The following KCNQ5 variants were observed in gnomAD, a reference collection of about 807,000 sequenced individuals.
KCNQ5 encodes potassium voltage-gated channel subfamily KQT member 5.
Under a neutral mutation model 98.2 loss-of-function variants are expected in KCNQ5, and 30 were observed. The ratio of observed to expected loss-of-function variants is 0.31; its 90% CI spans 0.23 to 0.41. KCNQ5 has a LOEUF of 0.41. Ranked by LOEUF, KCNQ5 falls within the 10% of genes least tolerant of loss-of-function variation. The pLI, the probability that KCNQ5 is intolerant of heterozygous loss-of-function variation, is 1.00. For missense variants in KCNQ5, 835 were observed against 1,182.5 expected (o/e 0.71, Z 4.31); for synonymous variants, 458 against 449.4 (o/e 1.02, Z -0.24).
At chr6:72,676,534 T>C (rs1767416151) in intron 1 of KCNQ5, among the ~76,000 whole-genome samples, 1 of 152,142 alleles carries the variant, frequency 6.6e-6, no homozygotes, top group African/African-American at 2.4e-5. Flanking sequence ...GCATCCTAAA[T>C]TGAGAAAGAA....
In KCNQ5 at chr6:73,105,144, G is replaced by A. The variant is rs1219822368; in HGVS notation, c.919-113G>A. 6.2e-5 allele frequency: 35 copies of A among 563,998 alleles called. 1 individual carries two copies. In the South Asian group the frequency reaches 6.6e-4, roughly 11 times the overall value. The allele number at this position is 563,998 out of a possible 1,614,324, so 34.9% of individuals were successfully genotyped here. On this transcript the variant is annotated intron_variant, in intron 5 of 13. Transcript: ENST00000370398. The stretch of plus-strand genomic sequence containing the variant: ...ATTAAAGCACAGTAATAAAAAGCAC[G>A]AACAAGATTTGTTGAATAATGATTT...
At chr6:72,628,958 C>T (rs1026771228) in intron 1 of KCNQ5, among the ~76,000 whole-genome samples, 4 of 152,132 alleles carry the variant, frequency 2.6e-5, no homozygotes, top group African/African-American at 4.8e-5. Flanking sequence ...CACTCCTCCT[C>T]TGCTTGGAGG....
intron 1 of KCNQ5, among the ~76,000 whole-genome samples, chr6:72,671,087 C>T (rs1213542961): frequency 2.0e-5 from 3 of 152,164 alleles, no homozygotes; most frequent in Non-Finnish European, 2.9e-5. Context: ...TGACCTTTAA[C>T]GCCCGTATTT....
At chr6:73,057,825 G>C (rs1772592393) in intron 3 of KCNQ5, among the ~76,000 whole-genome samples, 1 of 152,198 alleles carries the variant, frequency 6.6e-6, no homozygotes, top group Non-Finnish European at 1.5e-5. Flanking sequence ...AAAGCCAGAA[G>C]TATCACATTG....
chr6:73,080,546 G>A (rs1403649907), intron 5 of KCNQ5, among the ~76,000 whole-genome samples: 1 of 151,832 alleles, frequency 6.6e-6, no homozygotes, highest in Admixed American at 6.6e-5. Context: ...AATAAATTTA[G>A]ACTATTATAC....
At chr6:72,955,311 C>G (rs1404181804) in intron 1 of KCNQ5, among the ~76,000 whole-genome samples, 1 of 152,126 alleles carries the variant, frequency 6.6e-6, no homozygotes, top group African/African-American at 2.4e-5. Context: ...AATAAATCAT[C>G]CAAGGCCTTC....
At chr6:72,815,772 T>G (rs1376338786) in intron 1 of KCNQ5, among the ~76,000 whole-genome samples, 4 of 152,172 alleles carry the variant, frequency 2.6e-5, no homozygotes, top group Non-Finnish European at 4.4e-5. Flanking sequence ...GAGATAAAAT[T>G]GATATGACTC....
At chr6:72,961,056 G>A (rs968761994) in intron 1 of KCNQ5, among the ~76,000 whole-genome samples, 13 of 152,216 alleles carry the variant, frequency 8.5e-5, no homozygotes, top group Non-Finnish European at 1.6e-4. Context: ...GATAGCTTGA[G>A]CCCAGGAGTT....
intron 1 of KCNQ5, among the ~76,000 whole-genome samples, chr6:72,989,018 G>A (rs1230080770): frequency 1.1e-3 from 3 of 2,842 alleles, no homozygotes; most frequent in African/African-American, 2.9e-3. Flanking sequence ...GTATTCCATG[G>A]TGTATATGTG....
At chr6:72,740,817 C>T (rs985091907) in intron 1 of KCNQ5, among the ~76,000 whole-genome samples, 1 of 152,152 alleles carries the variant, frequency 6.6e-6, no homozygotes, top group Admixed American at 6.5e-5. Context: ...AGCTGCTAAG[C>T]CCTTAAGTCC....
intron 3 of KCNQ5, among the ~76,000 whole-genome samples, chr6:73,072,102 A>G (rs1773323778): frequency 6.6e-6 from 1 of 152,186 alleles, no homozygotes; most frequent in Non-Finnish European, 1.5e-5. Flanking sequence ...AGAGAACAAG[A>G]TGAAGTGAGT....
In KCNQ5 at chr6:72,830,393, C is replaced by T. The variant is rs955571321; in HGVS notation, c.399-173515C>T. 9.2e-5 allele frequency among the ~76,000 whole-genome samples: 14 copies of T among 152,166 alleles called. No homozygotes were observed. The South Asian group carries it at 2.1e-3, about 23-fold the overall frequency. On this transcript the variant is annotated intron_variant, in intron 1 of 13. Transcript: ENST00000370398. ...ACTGGTACCAAAACAGAGATATAGA[C>T]CAATGGAACAGAACAGAGTCCTCAG...
At chr6:72,828,699 A>G (rs1373500560) in intron 1 of KCNQ5, among the ~76,000 whole-genome samples, 3 of 152,146 alleles carry the variant, frequency 2.0e-5, no homozygotes, top group Non-Finnish European at 4.4e-5. Context: ...TCTTTAAAAA[A>G]AATCTTTGTA....
chr6:72,960,115 G>A (rs1213861801), intron 1 of KCNQ5, among the ~76,000 whole-genome samples: 1 of 152,112 alleles, frequency 6.6e-6, no homozygotes, highest in African/African-American at 2.4e-5. Flanking sequence ...ACATTATTAT[G>A]ACATCAGAGC....
chr6:72,682,510 C>G (rs1050592093), intron 1 of KCNQ5, among the ~76,000 whole-genome samples: 1 of 151,954 alleles, frequency 6.6e-6, no homozygotes, highest in African/African-American at 2.4e-5. Flanking sequence ...CTTTTCTGAC[C>G]TTCCCTTCAG....
chr6:72,834,641 T>G (rs1367234061), intron 1 of KCNQ5, among the ~76,000 whole-genome samples: 1 of 152,278 alleles, frequency 6.6e-6, no homozygotes, highest in East Asian at 1.9e-4. Flanking sequence ...TCAAGGAAAC[T>G]TTAGGATTGG....
chr6:72,818,271 G>A (rs4707996), intron 1 of KCNQ5, among the ~76,000 whole-genome samples: 97,965 of 151,952 alleles, frequency 0.64, 32,633 homozygotes, highest in African/African-American at 0.83. Flanking sequence ...GGTTTTAACA[G>A]GTTAACTTGT....
chr6:72,997,076 G>C (rs750688551), intron 1 of KCNQ5, among the ~76,000 whole-genome samples: 2 of 152,170 alleles, frequency 1.3e-5, no homozygotes, highest in Non-Finnish European at 2.9e-5. Context: ...GTCTGTAACA[G>C]GGCTATGCCG....
At chr6:73,015,308 A>C (rs1382817882) in intron 2 of KCNQ5, among the ~76,000 whole-genome samples, 2 of 152,110 alleles carry the variant, frequency 1.3e-5, no homozygotes, top group East Asian at 1.9e-4. Context: ...ATTCACAGAG[A>C]CTAACGACCC....
Sources: gnomAD v4.1 joint callset for allele counts (sites outside exome capture counted in the v4.1 genomes callset) on GRCh38, gnomAD v4.1.1 for gene constraint, MANE v1.5 for transcripts, NCBI Gene and HGNC (gene_info 2026-07-23, HGNC 2026-07-21) for gene names.